Variants in NIPBL observed in about 807,000 individuals in gnomAD.
The protein encoded by NIPBL is nipped-B-like protein.
NIPBL carries 19 observed loss-of-function variants against 321.8 expected under a neutral mutation model. The observed-to-expected ratio is 0.06, with a 90% CI of 0.04 to 0.09. The LOEUF (loss-of-function observed/expected upper bound fraction) is 0.09, where lower values mean the gene tolerates loss of function less well. Ranked by LOEUF, NIPBL falls within the 10% of genes least tolerant of loss-of-function variation. The probability of loss-of-function intolerance (pLI) is 1.00; values close to 1 mark genes in which losing one functional copy is unlikely to be tolerated. For synonymous variants in NIPBL, 1,106 were observed against 1,114.1 expected (o/e 0.99, Z 0.14); for missense variants, 2,210 against 3,327.0 (o/e 0.66, Z 8.26).
intron 10 of NIPBL, chr5:36,995,390 T>G: frequency 2.6e-6 from 1 of 379,800 alleles, no homozygotes; most frequent in Non-Finnish European, 4.7e-6. Context: ...TTCATTTTTA[T>G]GGTGGTGTCA....
chr5:37,052,168 A>AT lies in NIPBL; in HGVS notation c.7063-188dup, dbSNP rs922929675. 1.0e-3 allele frequency among the ~76,000 whole-genome samples: 151 copies of AT among 148,822 alleles called. 1 individual carries two copies. Among genetic ancestry groups the AT allele is most frequent in the Admixed American group, 8.0e-3 (119 of 14,860 alleles). On this transcript the variant is annotated intron_variant, in intron 41 of 46. Transcript: ENST00000282516. ...GGCTGCAGTGACTCTCCTGGGCCTC[A>AT]TTTTTTTTTTCTTCTTTGAAATGAG... is the stretch of plus-strand genomic sequence containing the variant.
Position 37,064,529 on chromosome 5 carries a change from A to G in NIPBL, c.8052A>G (p.Ser2684=). ...TTTCCCCCCTCCCAATGTTTTAGTC[A>G]TTGAGAAGGTCAAAACGAAATTCAG... ...GEDRGGGTSG[S]LRRSKRNSDS... The change falls in exon 47 of 47, where the codon TCA becomes TCG. Residue 2684 remains serine, a splice_region_variant and synonymous_variant. Transcript: ENST00000282516. 6.2e-7 allele frequency: 1 copy of G among 1,612,842 alleles called. No homozygotes were observed. The highest frequency in any genetic ancestry group is 8.5e-7 in the Non-Finnish European group (1 of 1,180,010).
chr5:37,035,064 C>T (rs1353499890), intron 32 of NIPBL, among the ~76,000 whole-genome samples: 1 of 152,184 alleles, frequency 6.6e-6, no homozygotes, highest in Admixed American at 6.5e-5. Flanking sequence ...CTAAGGCAGG[C>T]GGATCACTTG....
At chr5:36,944,082 C>G (rs1440756303) in intron 1 of NIPBL, among the ~76,000 whole-genome samples, 1 of 151,732 alleles carries the variant, frequency 6.6e-6, no homozygotes, top group Non-Finnish European at 1.5e-5. Flanking sequence ...AAAATTAAGC[C>G]ATTGTTGGAG....
intron 32 of NIPBL, among the ~76,000 whole-genome samples, chr5:37,033,726 ATATAT>A (rs1301560252): frequency 2.5e-5 from 2 of 79,100 alleles, no homozygotes; most frequent in African/African-American, 5.4e-5. Context: ...ATATATATAT[ATATAT>A]TTTTTTTTTT....
At chr5:37,010,262 T>C in intron 21 of NIPBL, 37 bp downstream of exon 21, 2 of 1,465,658 alleles carry the variant, frequency 1.4e-6, no homozygotes, top group Middle Eastern at 1.8e-4. Flanking sequence ...ACTGTACTTT[T>C]ATTGAAGGAA....
intron 33 of NIPBL, among the ~76,000 whole-genome samples, chr5:37,038,118 T>A (rs1284264151): frequency 1.3e-5 from 2 of 151,064 alleles, no homozygotes; most frequent in Non-Finnish European, 2.9e-5. Context: ...GCCTCCCGAG[T>A]AACTGAGACT....
intron 41 of NIPBL, among the ~76,000 whole-genome samples, chr5:37,052,123 A>T (rs1040769575): frequency 6.6e-6 from 1 of 152,150 alleles, no homozygotes; most frequent in Non-Finnish European, 1.5e-5. Context: ...CCTGGATTTT[A>T]TATCTTACTA....
At chr5:36,889,655 C>T (rs189708540) in intron 1 of NIPBL, among the ~76,000 whole-genome samples, 155 of 152,230 alleles carry the variant, frequency 1.0e-3, no homozygotes, top group African/African-American at 3.5e-3. Flanking sequence ...TGTTGAGCCA[C>T]ATTGCCATCT....
At chr5:36,907,132 T>C (rs189963699) in intron 1 of NIPBL, among the ~76,000 whole-genome samples, 26 of 152,322 alleles carry the variant, frequency 1.7e-4, no homozygotes, top group Admixed American at 1.6e-3. Context: ...AAATGGCGAT[T>C]GTGAACCAGT....
chr5:36,891,134 G>A (rs1461389467), intron 1 of NIPBL, among the ~76,000 whole-genome samples: 1 of 151,924 alleles, frequency 6.6e-6, no homozygotes, highest in South Asian at 2.1e-4. Flanking sequence ...GCACAGTGGC[G>A]GGCGCCTGTA....
At chr5:37,043,303 G>A (rs1319898226) in intron 34 of NIPBL, among the ~76,000 whole-genome samples, 2 of 152,052 alleles carry the variant, frequency 1.3e-5, no homozygotes. Flanking sequence ...GCCGAGGCAG[G>A]TGGATCACGA....
At chr5:36,943,401 T>C (rs192816966) in intron 1 of NIPBL, among the ~76,000 whole-genome samples, 339 of 150,016 alleles carry the variant, frequency 2.3e-3, no homozygotes, top group Non-Finnish European at 3.8e-3. Flanking sequence ...TCTAAATTAG[T>C]GGAGACATAT....
rs138731490 is a variant in NIPBL, at chr5:36,890,517, G to A, written c.-80+13339G>A. On this transcript the variant is annotated intron_variant, in intron 1 of 46. Coordinates refer to ENST00000282516, the MANE Select transcript of NIPBL (RefSeq NM_133433.4). ...TCCCGTTTCCCACTATTGTGCCTGT[G>A]GTCTCTTTTTACTATATATTTTTAA... is the stretch of plus-strand genomic sequence containing the variant. Among the ~76,000 whole-genome samples the A allele has an allele frequency of 3.4e-3, 524 of 152,138 alleles. 8 individuals carry two copies. The highest frequency in any genetic ancestry group is 0.012 in the African/African-American group (508 of 41,510).
chr5:36,976,181 A>C lies in NIPBL; in HGVS notation c.1274A>C (p.Gln425Pro). 2.5e-6 allele frequency: 4 copies of C among 1,612,940 alleles called. No homozygotes were observed. The highest frequency in any genetic ancestry group is 3.4e-6 in the Non-Finnish European group (4 of 1,179,326). The change falls in exon 9 of 47, where the codon CAA becomes CCA. Residue 425 changes from glutamine to proline, a missense_variant. Around this residue, in one of 14 missense-constraint regions of NIPBL, gnomAD observed 464 missense variants for 529.5 expected, o/e 0.88. Transcript: ENST00000282516. ...GCTCAATGTTTGTCGCAGCAAGAACAAACAGCATTCCTTCCAGCAAATCAA... is the reference window on the plus strand; with the variant it reads ...GCTCAATGTTTGTCGCAGCAAGAACCAACAGCATTCCTTCCAGCAAATCAA... ...NAAQCLSQQE[Q>P]TAFLPANQVP...
In NIPBL at chr5:37,010,180, A is replaced by G. The variant is rs1398282889; in HGVS notation, c.4515A>G (p.Pro1505=). 6.2e-7 allele frequency: 1 copy of G among 1,611,484 alleles called. No homozygotes were observed. The highest frequency in any genetic ancestry group is 8.5e-7 in the Non-Finnish European group (1 of 1,177,700). ...LQLIQCVVHL[P]SSEKDSNAEE... Reference sequence around the variant, plus strand: ...TTATTCAGTGTGTGGTACACTTACCATCATCAGAGAAGGACTCTAATGCAG... The same window carrying G: ...TTATTCAGTGTGTGGTACACTTACCGTCATCAGAGAAGGACTCTAATGCAG... The change falls in exon 21 of 47, where the codon CCA becomes CCG. Residue 1505 remains proline (P), a synonymous_variant. Coordinates refer to ENST00000282516, the MANE Select transcript of NIPBL (RefSeq NM_133433.4).
chr5:36,976,209 G>A lies in NIPBL; in HGVS notation c.1302G>A (p.Val434=). The A allele has an allele frequency of 1.2e-6, 2 of 1,613,120 alleles. No individual in the cohort carries two copies. Among genetic ancestry groups the A allele is most frequent in the Non-Finnish European group, 1.7e-6 (2 of 1,179,568 alleles). The part of the protein sequence containing the change: ...EQTAFLPANQ[V]PVLQQNTSVA... ...CAGCATTCCTTCCAGCAAATCAAGT[G>A]CCTGTTTTACAACAGAACACTTCAG... The change falls in exon 9 of 47, where the codon GTG becomes GTA. Residue 434 remains valine (V), a synonymous_variant. Coordinates refer to ENST00000282516, the MANE Select transcript of NIPBL (RefSeq NM_133433.4).
chr5:37,064,143 T>C, intron 46 of NIPBL, 165 bp downstream of exon 46: 1 of 1,433,616 alleles, frequency 7.0e-7, no homozygotes, highest in Non-Finnish European at 9.1e-7. Flanking sequence ...TACATCCTTT[T>C]GTAGAAAGTT....
At chr5:36,987,324 G>C (rs1430197059) in intron 10 of NIPBL, among the ~76,000 whole-genome samples, 1 of 152,146 alleles carries the variant, frequency 6.6e-6, no homozygotes, top group Non-Finnish European at 1.5e-5. Flanking sequence ...TTGGCCAAGA[G>C]GGTAACCATT....
Sources: allele counts gnomAD v4.1 joint callset (sites outside exome capture counted in the v4.1 genomes callset), GRCh38; gene constraint gnomAD v4.1.1; regional missense constraint gnomAD v4.1.1; transcripts MANE v1.5; gene names NCBI Gene and HGNC (gene_info 2026-07-23, HGNC 2026-07-21).